EFNB2: variants seen among roughly 807,000 people sequenced by gnomAD.
The protein encoded by EFNB2 is ephrin B2.
In EFNB2, 5 loss-of-function variants were observed where a neutral mutation model predicts 32.1. The observed-to-expected ratio is 0.16, with a 90% CI of 0.08 to 0.33. EFNB2 has a LOEUF of 0.33. Ranked by LOEUF, EFNB2 falls within the 10% of genes least tolerant of loss-of-function variation. The pLI, the probability that EFNB2 is intolerant of heterozygous loss-of-function variation, is 1.00. For missense variants in EFNB2, 263 were observed against 422.6 expected, an observed-to-expected ratio of 0.62 and a Z score of 3.31; for synonymous variants, 168 against 166.5, an observed-to-expected ratio of 1.01 and a Z score of -0.07.
At chr13:106,503,849 A>C (rs1389545318) in intron 2 of EFNB2, among the ~76,000 whole-genome samples, 1 of 152,246 alleles carries the variant, frequency 6.6e-6, no homozygotes, top group African/African-American at 2.4e-5. Flanking sequence ...ATAGGCGGCC[A>C]GATGACCACT....
intron 1 of EFNB2, among the ~76,000 whole-genome samples, chr13:106,523,614 G>T (rs77345503): frequency 0.016 from 2,367 of 152,220 alleles, 25 homozygotes; most frequent in Non-Finnish European, 0.028. Context: ...AAACCAAGGG[G>T]CACCACTTGG....
At chr13:106,504,728 C>CT in intron 2 of EFNB2, among the ~76,000 whole-genome samples, 1 of 152,182 alleles carries the variant, frequency 6.6e-6, no homozygotes, top group Non-Finnish European at 1.5e-5. Context: ...TACACTCCAG[C>CT]TTGAGGGTCT....
At chr13:106,532,827 G>T (rs539481582) in intron 1 of EFNB2, among the ~76,000 whole-genome samples, 1 of 151,636 alleles carries the variant, frequency 6.6e-6, no homozygotes, top group Non-Finnish European at 1.5e-5. Context: ...CAGAATGGGG[G>T]GGGGGAGTGG....
rs116635284 is a variant in EFNB2, at chr13:106,514,649, T to A, written c.123-1837A>T. Among the ~76,000 whole-genome samples the A allele has an allele frequency of 7.7e-3, 1,179 of 152,330 alleles. 14 individuals carry two copies. Among genetic ancestry groups the A allele is most frequent in the African/African-American group, 0.027 (1,119 of 41,570 alleles). ...CTCCTGTCTTATTCCTTGACCTTTT[T>A]AGGACATCTTTAAGGTTTACAAACA... On this transcript the variant is annotated intron_variant, in intron 1 of 4. Transcript: ENST00000646441.
intron 2 of EFNB2, among the ~76,000 whole-genome samples, chr13:106,503,160 G>GA (rs746329819): frequency 6.6e-6 from 1 of 151,714 alleles, no homozygotes; most frequent in Non-Finnish European, 1.5e-5. Flanking sequence ...TTCTGTTGAG[G>GA]AAAAACATCA....
intron 1 of EFNB2, among the ~76,000 whole-genome samples, chr13:106,534,494 G>A (rs1879989381): frequency 6.6e-6 from 1 of 152,226 alleles, no homozygotes. Context: ...CCCGCGTGCC[G>A]GCCAGCCTAG....
In EFNB2 at chr13:106,504,952, G is replaced by A. The variant is rs1490699324; in HGVS notation, c.406+7577C>T. Among the ~76,000 whole-genome samples the A allele has an allele frequency of 2.0e-5, 3 of 152,092 alleles. No homozygotes were observed. The South Asian group carries it at 6.2e-4, about 32-fold the overall frequency. ...AATAGTATAGATTTATTGAAAAAAT[G>A]GAATTAAGAGTATGTCTAAAAAGAA... On this transcript the variant is annotated intron_variant, in intron 2 of 4. Transcript: ENST00000646441.
chr13:106,501,334 A>AT (rs61108454), intron 2 of EFNB2, among the ~76,000 whole-genome samples: 102 of 151,974 alleles, frequency 6.7e-4, no homozygotes, highest in African/African-American at 2.3e-3. Context: ...AATTTCATTC[A>AT]TTTTTTTTTC....
intron 1 of EFNB2, among the ~76,000 whole-genome samples, chr13:106,523,356 G>C (rs1460940983): frequency 6.6e-6 from 1 of 152,104 alleles, no homozygotes; most frequent in Non-Finnish European, 1.5e-5. Flanking sequence ...TTTATTTCCT[G>C]CTTAGTCACC....
At chr13:106,528,831 C>T (rs1458275920) in intron 1 of EFNB2, among the ~76,000 whole-genome samples, 3 of 152,172 alleles carry the variant, frequency 2.0e-5, no homozygotes, top group Non-Finnish European at 4.4e-5. Context: ...GACTCAACAG[C>T]ACAGAGATTT....
chr13:106,495,923 G>A, intron 2 of EFNB2, 83 bp from the exon 3 acceptor site: 1 of 1,296,218 alleles, frequency 7.7e-7, no homozygotes, highest in Non-Finnish European at 1.1e-6. Context: ...AACATGAAAT[G>A]TCTGAAAACA....
intron 1 of EFNB2, among the ~76,000 whole-genome samples, chr13:106,530,295 G>C (rs1290278935): frequency 6.6e-6 from 1 of 152,100 alleles, no homozygotes; most frequent in East Asian, 1.9e-4. Flanking sequence ...GCTGTTCCCT[G>C]AAAGAGCTAA....
intron 2 of EFNB2, among the ~76,000 whole-genome samples, chr13:106,501,407 T>C (rs918534591): frequency 1.3e-5 from 2 of 152,152 alleles, no homozygotes; most frequent in African/African-American, 4.8e-5. Flanking sequence ...AGAAATATAA[T>C]CATGACTTTC....
chr13:106,503,060 TTA>T lies in EFNB2; in HGVS notation c.407-7222_407-7221del, dbSNP rs1878835230. 2.0e-5 allele frequency among the ~76,000 whole-genome samples: 3 copies of T among 152,346 alleles called. No homozygotes were observed. The South Asian group carries it at 6.2e-4, about 32-fold the overall frequency. ...TTTGTTTGTTTTGCTAGAGACATGT[TTA>T]ACAACATAAGATTATTTATGGAGTT... On this transcript the variant is annotated intron_variant, in intron 2 of 4. Transcript: ENST00000646441.
intron 1 of EFNB2, among the ~76,000 whole-genome samples, chr13:106,527,716 G>A (rs569081571): frequency 1.3e-5 from 2 of 152,274 alleles, no homozygotes; most frequent in African/African-American, 4.8e-5. Flanking sequence ...TTTTATAACT[G>A]GTCACCTACT....
chr13:106,514,120 C>T (rs1879236794), intron 1 of EFNB2, among the ~76,000 whole-genome samples: 1 of 152,122 alleles, frequency 6.6e-6, no homozygotes, highest in African/African-American at 2.4e-5. Context: ...TTACCTCTTT[C>T]TTGGGAATGT....
chr13:106,524,623 T>G (rs1348978092), intron 1 of EFNB2, among the ~76,000 whole-genome samples: 2 of 152,354 alleles, frequency 1.3e-5, no homozygotes, highest in East Asian at 3.9e-4. Flanking sequence ...CTAAATATCA[T>G]GTAATATCAA....
intron 1 of EFNB2, among the ~76,000 whole-genome samples, chr13:106,531,734 C>T (rs745972590): frequency 1.3e-5 from 2 of 151,704 alleles, no homozygotes; most frequent in Non-Finnish European, 2.9e-5. Flanking sequence ...TGTATCAAGT[C>T]AATTAGTATC....
intron 2 of EFNB2, among the ~76,000 whole-genome samples, chr13:106,496,157 T>G (rs925185107): frequency 6.6e-6 from 1 of 152,174 alleles, no homozygotes; most frequent in African/African-American, 2.4e-5. Context: ...CTTCAAAAAG[T>G]CTATGGACTC....
Sources: gnomAD v4.1 joint callset for allele counts (sites outside exome capture counted in the v4.1 genomes callset) on GRCh38, gnomAD v4.1.1 for gene constraint, MANE v1.5 for transcripts, NCBI Gene and HGNC (gene_info 2026-07-23, HGNC 2026-07-21) for gene names.